Variants in MAN2C1 observed in about 807,000 individuals in gnomAD.
MAN2C1 encodes alpha-mannosidase 2C1.
In MAN2C1, 111 loss-of-function variants were observed where a neutral mutation model predicts 126.9. The observed-to-expected ratio is 0.87, with a 90% CI of 0.75 to 1.02. MAN2C1 has a LOEUF of 1.02. MAN2C1 is among the 50% of genes least tolerant of loss of function. MAN2C1 has a pLI of 0.00. For synonymous variants in MAN2C1, 567 were observed against 561.5 expected (o/e 1.01, Z -0.14); for missense variants, 1,363 against 1,364.4 (o/e 1.00, Z 0.02).
chr15:75,358,909 G>A, intron 18 of MAN2C1, 101 bp from the exon 19 acceptor site: 2 of 1,372,446 alleles, frequency 1.5e-6, no homozygotes, highest in South Asian at 1.2e-5. Flanking sequence ...GTGGACAGGG[G>A]ACTACTGCCC....
Position 75,356,453 on chromosome 15 carries a change from G to A in MAN2C1, c.2738-4C>T. The A allele has an allele frequency of 1.3e-6, 2 of 1,593,858 alleles. No homozygotes were observed. The highest frequency in any genetic ancestry group is 1.7e-6 in the Non-Finnish European group (2 of 1,171,404). ...ACGCCAGCATCCTGGAAAGAGCCTGGGGTACGACCAGGAAACAATGCTGGT... is the reference window on the plus strand; with the variant it reads ...ACGCCAGCATCCTGGAAAGAGCCTGAGGTACGACCAGGAAACAATGCTGGT... On this transcript the variant is annotated splice_region_variant and splice_polypyrimidine_tract_variant and intron_variant, in intron 23 of 25. Transcript: ENST00000267978. This position sits in a 1 kb window ranked among gnomAD's most constrained non-coding sequence, Gnocchi z 5.8.
Position 75,367,962 on chromosome 15 carries a change from G to A in MAN2C1, c.227+111C>T, listed in dbSNP as rs537966757. On this transcript the variant is annotated intron_variant, in intron 2 of 25. Transcript: ENST00000267978. Reference sequence around the variant, plus strand: ...CTGCTCCCAGCAGAGGGTGCTGCTCGATCCCACGTAGTTGTCTACGGCAGA... The same window carrying A: ...CTGCTCCCAGCAGAGGGTGCTGCTCAATCCCACGTAGTTGTCTACGGCAGA... 9.1e-4 allele frequency: 1,234 copies of A among 1,362,104 alleles called. 1 individual carries two copies. The highest frequency in any genetic ancestry group is 1.1e-3 in the Non-Finnish European group (1,127 of 1,017,682). The allele number at this position is 1,362,104 out of a possible 1,614,324, so 84.4% of individuals were successfully genotyped here.
At chr15:75,363,328 C>T in intron 6 of MAN2C1, 1 of 456,092 alleles carries the variant, frequency 2.2e-6, no homozygotes, top group Non-Finnish European at 4.4e-6. Context: ...AACTCAGACA[C>T]TGCAAACTTG....
At chr15:75,358,670 C>T (rs1251094453) in intron 19 of MAN2C1, 34 bp downstream of exon 19, 11 of 1,277,894 alleles carry the variant, frequency 8.6e-6, no homozygotes, top group African/African-American at 4.7e-5. Context: ...GTTCCCACCA[C>T]CTCCACCATC....
chr15:75,366,554 C>A lies in MAN2C1; in HGVS notation c.390G>T (p.Leu130=). The A allele has an allele frequency of 6.2e-7, 1 of 1,613,666 alleles. No homozygotes were observed. Among genetic ancestry groups the A allele is most frequent in the South Asian group, 1.1e-5 (1 of 90,948 alleles). The change falls in exon 4 of 26, where the codon CTG becomes CTT. Residue 130 remains leucine (L), a synonymous_variant. Transcript: ENST00000267978. Reference sequence around the variant, plus strand: ...GGTCTCTTTCCCCCAGCCTGTCAGTCAGGACATAGCTGGTCTTCTCACCCT... The same window carrying A: ...GGTCTCTTTCCCCCAGCCTGTCAGTAAGGACATAGCTGGTCTTCTCACCCT... The part of the protein sequence containing the change: ...TKEGEKTSYV[L]TDRLGERDPR...
Position 75,361,946 on chromosome 15 carries a change from T to A in MAN2C1, c.1010A>T (p.Asp337Val), listed in dbSNP as rs1032068513. 1.9e-6 allele frequency: 3 copies of A among 1,613,148 alleles called. No homozygotes were observed. The African/African-American group carries it at 4.0e-5, about 22-fold the overall frequency. The change falls in exon 9 of 26, where the codon GAT (aspartate) becomes GTT (valine). Residue 337 changes from aspartate to valine, a missense_variant and splice_region_variant. This residue lies in a region of MAN2C1 where 628 missense variants were observed against 609.8 expected (regional missense o/e 1.03). Transcript: ENST00000267978. The surrounding 1 kb of genome is among the most constrained non-coding windows in gnomAD (Gnocchi z 5.0). ...GGCCTCTCCACTGGGCAGGTTCCCA[T>A]CCTGGCAGTGAAGGAAGTGGGAGGC... ...VPVGGTWVEM[D>V]GNLPSGEAMV...
rs200716401 is a variant in MAN2C1, at chr15:75,356,084, C to T, written c.2996+26G>A. ...CTCTGCGAGGGCGAGACTCGACCCC[C>T]GCCCCAATCCCACACCGCCACTCAC... On this transcript the variant is annotated intron_variant, in intron 25 of 25. Coordinates refer to ENST00000267978, the MANE Select transcript of MAN2C1 (RefSeq NM_006715.4). The surrounding 1 kb of genome is among the most constrained non-coding windows in gnomAD (Gnocchi z 5.8). 5.5e-4 allele frequency: 889 copies of T among 1,613,496 alleles called. 4 individuals carry two copies. The African/African-American group carries it at 9.2e-3, about 17-fold the overall frequency.
chr15:75,363,757 G>C, intron 6 of MAN2C1: 1 of 481,424 alleles, frequency 2.1e-6, no homozygotes, highest in Admixed American at 4.0e-5. Flanking sequence ...AGTGAGCCGA[G>C]ATCACACCAT....
rs199540872 is a variant in MAN2C1 at position 75,362,778 on chromosome 15, G to A, written c.791-30C>T. The A allele has an allele frequency of 3.8e-6, 6 of 1,590,380 alleles. No individual in the cohort carries two copies. In the East Asian group the frequency reaches 6.7e-5, roughly 18 times the overall value. ...ACGGGGAGTGAGGTGGAGGACAGAG[G>A]GAGCAGCAAGGCTGACCAGGCCTGG... is the stretch of plus-strand genomic sequence containing the variant. On this transcript the variant is annotated intron_variant, in intron 6 of 25. Coordinates refer to ENST00000267978, the MANE Select transcript of MAN2C1 (RefSeq NM_006715.4). The surrounding 1 kb of genome is among the most constrained non-coding windows in gnomAD (Gnocchi z 4.5).
Position 75,368,122 on chromosome 15 carries a change from C to T in MAN2C1, c.178G>A (p.Val60Ile), listed in dbSNP as rs759780316. 434 of 1,606,994 alleles carry T rather than the reference C, an allele frequency of 2.7e-4. No individual in the cohort carries two copies. The highest frequency in any genetic ancestry group is 3.4e-4 in the Non-Finnish European group (405 of 1,177,716). Residue 60 changes from valine to isoleucine, a missense_variant, in exon 2 of 26, where the codon GTC (valine) becomes ATC (isoleucine). Coordinates refer to ENST00000267978, the MANE Select transcript of MAN2C1 (RefSeq NM_006715.4). ...TPERLPYQEA[V>I]QRDFRPAQVG... ...TGCGCGGGGCGGAAGTCCCGCTGGA[C>T]TGCCTCCTGGTAGGGAAGTCTCTCC...
At position 75,359,013 on chromosome 15, in the gene MAN2C1, G is replaced by A. The variant is rs1411101037; in HGVS notation, c.2141+46C>T. 4.4e-6 allele frequency: 7 copies of A among 1,608,324 alleles called. No homozygotes were observed. The African/African-American group carries it at 8.0e-5, about 18-fold the overall frequency. On this transcript the variant is annotated intron_variant, in intron 18 of 25. Transcript: ENST00000267978. Reference sequence around the variant, plus strand: ...GCAAGGGGAGAGAGGAAATGGCCTGGGGTCTACTTGCCAGGCACTGGGAAA... The same window carrying A: ...GCAAGGGGAGAGAGGAAATGGCCTGAGGTCTACTTGCCAGGCACTGGGAAA...
In MAN2C1 at chr15:75,362,596, G is replaced by A. The variant is rs1487328436; in HGVS notation, c.897+46C>T. On this transcript the variant is annotated intron_variant, in intron 7 of 25. Coordinates refer to ENST00000267978, the MANE Select transcript of MAN2C1 (RefSeq NM_006715.4). This position sits in a 1 kb window ranked among gnomAD's most constrained non-coding sequence, Gnocchi z 4.5. Reference sequence around the variant, plus strand: ...AGCCTTCAGGGCCTGTGGAGCTCCAGGGAGGGCCACGTGCTTCCCTCCTCC... The same window carrying A: ...AGCCTTCAGGGCCTGTGGAGCTCCAAGGAGGGCCACGTGCTTCCCTCCTCC... 2.5e-6 allele frequency: 4 copies of A among 1,592,130 alleles called. No individual in the cohort carries two copies. Among genetic ancestry groups the A allele is most frequent in the South Asian group, 1.1e-5 (1 of 90,122 alleles).
In MAN2C1 at chr15:75,356,458, C is replaced by G; in HGVS notation, c.2738-9G>C. ...AGCATCCTGGAAAGAGCCTGGGGTA[C>G]GACCAGGAAACAATGCTGGTGGAGA... On this transcript the variant is annotated splice_polypyrimidine_tract_variant and intron_variant, in intron 23 of 25. Transcript: ENST00000267978. The surrounding 1 kb of genome is among the most constrained non-coding windows in gnomAD (Gnocchi z 5.8). 6 of 1,589,892 alleles carry G rather than the reference C, an allele frequency of 3.8e-6. No individual in the cohort carries two copies. Among genetic ancestry groups the G allele is most frequent in the Non-Finnish European group, 5.1e-6 (6 of 1,169,692 alleles).
rs202029676 is a variant in MAN2C1 at position 75,356,818 on chromosome 15, G to A, written c.2632C>T (p.Arg878Ter). The A allele has an allele frequency of 1.4e-5, 22 of 1,614,042 alleles. No homozygotes were observed. Among genetic ancestry groups the A allele is most frequent in the East Asian group, 1.3e-4 (6 of 44,876 alleles). Reference sequence around the variant, plus strand: ...AGCGAGAGGCTGAGGATGCTGCCTCGCACTGACGCGCCATACTTGCAGTCG... The same window carrying A: ...AGCGAGAGGCTGAGGATGCTGCCTCACACTGACGCGCCATACTTGCAGTCG... ...LNDCKYGASV[R>*]GSILSLSLLR... is the part of the protein sequence containing the mutation. Residue 878 changes from arginine to a stop codon, truncating the protein, a stop_gained, in exon 22 of 26, where the codon CGA (arginine) becomes TGA (stop). Coordinates refer to ENST00000267978, the MANE Select transcript of MAN2C1 (RefSeq NM_006715.4). LOFTEE classifies it high-confidence loss of function. The surrounding 1 kb of genome is among the most constrained non-coding windows in gnomAD (Gnocchi z 5.8).
intron 6 of MAN2C1, chr15:75,363,056 G>A (rs1031034958): frequency 2.4e-6 from 1 of 410,532 alleles, no homozygotes; most frequent in Non-Finnish European, 4.7e-6. Flanking sequence ...AAGTAGCAGG[G>A]ACTACCCTGC....
rs774122320 is a variant in MAN2C1 at position 75,359,395 on chromosome 15, GCATAGCC to G, written c.1972_1978del (p.Gly658LeufsTer20). 6.2e-6 allele frequency: 10 copies of G among 1,610,294 alleles called. No homozygotes were observed. Among genetic ancestry groups the G allele is most frequent in the Non-Finnish European group, 8.5e-6 (10 of 1,179,092 alleles). On this transcript the variant is annotated frameshift_variant, in exon 17 of 26. Transcript: ENST00000267978. LOFTEE classifies it high-confidence loss of function. ...CAGTGAGGTGGGGGGAGGAACAGGAGCATAGCCCATGCTGGGCACTGTCACCAGGGCT... is the reference window on the plus strand; with the variant it reads ...CAGTGAGGTGGGGGGAGGAACAGGAGCATGCTGGGCACTGTCACCAGGGCT...
intron 4 of MAN2C1, chr15:75,365,971 C>T: frequency 2.4e-6 from 1 of 421,414 alleles, no homozygotes; most frequent in South Asian, 1.7e-5. Flanking sequence ...CCTGTAATCC[C>T]TGCTACTCGG....
At chr15:75,366,958 C>G (rs1033805912) in intron 3 of MAN2C1, among the ~76,000 whole-genome samples, 2 of 152,034 alleles carry the variant, frequency 1.3e-5, no homozygotes, top group Admixed American at 6.6e-5. Context: ...CCTGCTACAC[C>G]CTAGTGCTTA....
intron 12 of MAN2C1, 62 bp from the exon 13 acceptor site, chr15:75,360,750 A>G: frequency 6.3e-7 from 1 of 1,585,408 alleles, no homozygotes; most frequent in Non-Finnish European, 8.6e-7. Context: ...CCCTTCTTCC[A>G]CACCAAAGCA....
Sources: gnomAD v4.1 joint callset for allele counts (sites outside exome capture counted in the v4.1 genomes callset) on GRCh38, gnomAD v4.1.1 for gene constraint, gnomAD v4.1.1 regional missense constraint, Gnocchi (gnomAD v3.1) non-coding constraint, MANE v1.5 for transcripts, NCBI Gene and HGNC (gene_info 2026-07-23, HGNC 2026-07-21) for gene names.